Variants in SMARCB1 observed in about 807,000 individuals in gnomAD.
SMARCB1 encodes SWI/SNF-related matrix-associated actin-dependent regulator of chromatin subfamily B member 1.
SMARCB1 carries 5 observed loss-of-function variants against 49.0 expected under a neutral mutation model. The ratio of observed to expected loss-of-function variants is 0.10; its 90% CI spans 0.05 to 0.21. The LOEUF (loss-of-function observed/expected upper bound fraction) is 0.21, where lower values mean the gene tolerates loss of function less well. SMARCB1 is among the 10% of genes least tolerant of loss of function. SMARCB1 has a pLI of 1.00. For missense variants in SMARCB1, 226 were observed against 509.2 expected (o/e 0.44, Z 5.35); for synonymous variants, 201 against 200.1 (o/e 1.00, Z -0.04).
intron 7 of SMARCB1, 65 bp from the exon 8 acceptor site, chr22:23,833,507 C>A (rs577618501): frequency 1.3e-4 from 206 of 1,610,054 alleles, no homozygotes; most frequent in Non-Finnish European, 1.7e-4. Context: ...GGGGCCAAAG[C>A]TTTCTGAGGA....
Position 23,793,699 on chromosome 22 carries a change from C to T in SMARCB1, c.362+11C>T, listed in dbSNP as rs1928551445. 1 of 1,614,024 alleles carries T rather than the reference C, an allele frequency of 6.2e-7. No individual in the cohort carries two copies. The highest frequency in any genetic ancestry group is 8.5e-7 in the Non-Finnish European group (1 of 1,179,924). ...CCCCACCTACCTCAGGTAATGCGTTCCTGGCCAGGGCATCTCTGGGGACAC... is the reference window on the plus strand; with the variant it reads ...CCCCACCTACCTCAGGTAATGCGTTTCTGGCCAGGGCATCTCTGGGGACAC... On this transcript the variant is annotated intron_variant, in intron 3 of 8. Coordinates refer to ENST00000644036, the MANE Select transcript of SMARCB1 (RefSeq NM_003073.5).
intron 7 of SMARCB1, chr22:23,825,969 G>C (rs2030360567): frequency 6.4e-6 from 1 of 157,448 alleles, no homozygotes. Flanking sequence ...GGAAGATAGA[G>C]ACAGGTCACC....
In SMARCB1 at chr22:23,835,036, G is replaced by A; in HGVS notation, c.*856G>A. 7.1e-7 allele frequency: 1 copy of A among 1,410,184 alleles called. No homozygotes were observed. The highest frequency in any genetic ancestry group is 1.5e-5 in the South Asian group (1 of 64,658). 87.4% of individuals were successfully genotyped at this position (1,410,184 alleles called of 1,614,324 possible). ...GGCACCCATAGCCAGGTCAGCTGGG[G>A]CCCTTTCCCACCCCAGCAGGTGCTG... On this transcript the variant is annotated 3_prime_UTR_variant, in exon 9 of 9. Transcript: ENST00000644036.
At chr22:23,793,265 T>C in intron 2 of SMARCB1, 2 of 471,828 alleles carry the variant, frequency 4.2e-6, no homozygotes, top group South Asian at 2.0e-5. Context: ...CTGGTCGTGC[T>C]GTATTGTAGT....
chr22:23,832,470 C>T (rs1470720231), intron 7 of SMARCB1, among the ~76,000 whole-genome samples: 3 of 152,170 alleles, frequency 2.0e-5, no homozygotes, highest in South Asian at 4.1e-4. Context: ...GCAGGGTGTC[C>T]TTCTCCCAGG....
At position 23,787,111 on chromosome 22, in the gene SMARCB1, C is replaced by A; in HGVS notation, c.-59C>A. 9.0e-7 allele frequency: 1 copy of A among 1,112,478 alleles called. No individual in the cohort carries two copies. Among genetic ancestry groups the A allele is most frequent in the Non-Finnish European group, 1.4e-6 (1 of 732,154 alleles). 68.9% of individuals were successfully genotyped at this position (1,112,478 alleles called of 1,614,324 possible). On this transcript the variant is annotated 5_prime_UTR_variant, in exon 1 of 9. Transcript: ENST00000644036. ...CCCTCGGCCCAGCACGCCCCGGCCCCGCCCCAGCCCTCCTGATCCCTCGCA... is the reference window on the plus strand; with the variant it reads ...CCCTCGGCCCAGCACGCCCCGGCCCAGCCCCAGCCCTCCTGATCCCTCGCA...
intron 5 of SMARCB1, among the ~76,000 whole-genome samples, chr22:23,812,203 C>T (rs1929912639): frequency 6.6e-6 from 1 of 152,124 alleles, no homozygotes; most frequent in African/African-American, 2.4e-5. Flanking sequence ...TACCTGTAAT[C>T]CCAGCTCTTT....
At position 23,837,882 on chromosome 22, in the gene SMARCB1, C is replaced by T; in HGVS notation, c.*3702C>T. 1 of 1,595,028 alleles carries T rather than the reference C, an allele frequency of 6.3e-7. No individual in the cohort carries two copies. Among genetic ancestry groups the T allele is most frequent in the Non-Finnish European group, 8.6e-7 (1 of 1,169,498 alleles). On this transcript the variant is annotated 3_prime_UTR_variant, in exon 9 of 9. Coordinates refer to ENST00000644036, the MANE Select transcript of SMARCB1 (RefSeq NM_003073.5). ...GGGCCAGAGTCAAGGTGCTCCGGTG[C>T]AGGCCTCAGCCCAAGCCCAGGGCCC...
chr22:23,807,797 T>C (rs1377083336), intron 5 of SMARCB1, among the ~76,000 whole-genome samples: 11 of 108,286 alleles, frequency 1.0e-4, no homozygotes, highest in Admixed American at 3.4e-4. Context: ...TCTTTTTTTT[T>C]CTTTTTTTTT....
intron 5 of SMARCB1, among the ~76,000 whole-genome samples, chr22:23,807,877 C>T (rs1929598734): frequency 6.7e-6 from 1 of 149,092 alleles, no homozygotes; most frequent in South Asian, 2.1e-4. Flanking sequence ...TCACTGCAAG[C>T]TCCGCCTCCT....
chr22:23,803,047 C>G (rs1929264880), intron 4 of SMARCB1: 1 of 585,200 alleles, frequency 1.7e-6, no homozygotes, highest in African/African-American at 1.9e-5. Context: ...GGGTGTTGTT[C>G]CAACACTGCC....
At chr22:23,807,879 C>G (rs1004929932) in intron 5 of SMARCB1, among the ~76,000 whole-genome samples, 1 of 149,246 alleles carries the variant, frequency 6.7e-6, no homozygotes, top group African/African-American at 2.5e-5. Context: ...ACTGCAAGCT[C>G]CGCCTCCTGG....
At chr22:23,819,392 G>T (rs527496372) in intron 6 of SMARCB1, among the ~76,000 whole-genome samples, 1 of 150,942 alleles carries the variant, frequency 6.6e-6, no homozygotes, top group South Asian at 2.1e-4. Context: ...GTGCAGTGGC[G>T]CGATCTTGGC....
At chr22:23,831,320 C>T (rs1051344020) in intron 7 of SMARCB1, among the ~76,000 whole-genome samples, 6 of 152,238 alleles carry the variant, frequency 3.9e-5, no homozygotes, top group African/African-American at 7.2e-5. Flanking sequence ...TCAAGATACT[C>T]GACCGGCATC....
intron 6 of SMARCB1, among the ~76,000 whole-genome samples, chr22:23,818,826 A>C (rs1325045782): frequency 3.3e-5 from 5 of 152,110 alleles, no homozygotes; most frequent in African/African-American, 4.8e-5. Flanking sequence ...ACCATGTCAG[A>C]ATTTCCTTCC....
chr22:23,827,837 C>T (rs1245703207), intron 7 of SMARCB1, among the ~76,000 whole-genome samples: 1 of 152,126 alleles, frequency 6.6e-6, no homozygotes, highest in Non-Finnish European at 1.5e-5. Context: ...CGCGTTCCCC[C>T]CACTGTACCA....
At chr22:23,789,973 AACAG>A (rs1168920941) in intron 1 of SMARCB1, among the ~76,000 whole-genome samples, 1 of 152,082 alleles carries the variant, frequency 6.6e-6, no homozygotes, top group Non-Finnish European at 1.5e-5. Flanking sequence ...TTCTGCCATT[AACAG>A]ACAGCTGTAT....
intron 4 of SMARCB1, chr22:23,802,663 C>T (rs887583344): frequency 3.1e-4 from 53 of 169,962 alleles, no homozygotes; most frequent in South Asian, 2.5e-3. Context: ...TGCTCCCAGA[C>T]GCCCTTAGGT....
In SMARCB1 at chr22:23,793,593, C is replaced by T. The variant is rs141275968; in HGVS notation, c.267C>T (p.Thr89=). ...ACACGACTCTAGCCACCAGTGTGAC[C>T]CTGTTAAAAGCCTCGGAAGTGGAAG... is the stretch of plus-strand genomic sequence containing the variant. ...HGYTTLATSV[T]LLKASEVEEI... The change falls in exon 3 of 9, where the codon ACC becomes ACT. Residue 89 remains threonine, a synonymous_variant. Transcript: ENST00000644036. The T allele has an allele frequency of 1.3e-4, 206 of 1,613,844 alleles. 1 individual carries two copies. In the African/African-American group the frequency reaches 2.5e-3, roughly 19 times the overall value.
Sources: gnomAD v4.1 joint callset for allele counts (sites outside exome capture counted in the v4.1 genomes callset) on GRCh38, gnomAD v4.1.1 for gene constraint, MANE v1.5 for transcripts, NCBI Gene and HGNC (gene_info 2026-07-23, HGNC 2026-07-21) for gene names.